Variants in EPB41L4A observed in about 807,000 individuals in gnomAD.
EPB41L4A encodes band 4.1-like protein 4A.
EPB41L4A carries 100 observed loss-of-function variants against 108.6 expected under a neutral mutation model. The ratio of observed to expected loss-of-function variants is 0.92; its 90% CI spans 0.78 to 1.09. The LOEUF is 1.09. EPB41L4A is among the 50% of genes least tolerant of loss of function. The pLI is 0.00. For synonymous variants in EPB41L4A, 319 were observed against 289.0 expected (o/e 1.10, Z -1.05); for missense variants, 1,030 against 842.7 (o/e 1.22, Z -2.75).
chr5:112,293,239 AG>A (rs1169714602), intron 2 of EPB41L4A, among the ~76,000 whole-genome samples: 1 of 151,776 alleles, frequency 6.6e-6, no homozygotes, highest in Non-Finnish European at 1.5e-5. Context: ...TTTTAAATTC[AG>A]GGATACAGGT....
chr5:112,171,042 C>A (rs1285348494), intron 18 of EPB41L4A, 50 bp from the exon 19 acceptor site: 4 of 1,487,722 alleles, frequency 2.7e-6, no homozygotes, highest in Non-Finnish European at 3.7e-6. Flanking sequence ...CTTCATCTCA[C>A]AACCTAATAA....
At chr5:112,403,592 C>A (rs1428918093) in intron 1 of EPB41L4A, among the ~76,000 whole-genome samples, 1 of 152,126 alleles carries the variant, frequency 6.6e-6, no homozygotes, top group South Asian at 2.1e-4. Context: ...CCTCAGCCTA[C>A]AGAGTAGCTA....
intron 20 of EPB41L4A, 63 bp from the exon 21 acceptor site, chr5:112,169,168 T>G: frequency 8.6e-7 from 1 of 1,166,942 alleles, no homozygotes; most frequent in Non-Finnish European, 1.3e-6. Flanking sequence ...AAAGTAGGAG[T>G]TCTTAATATT....
chr5:112,165,062 GT>G lies in EPB41L4A; in HGVS notation c.1988del (p.Asn663ThrfsTer12), dbSNP rs1760154925. 6.2e-7 allele frequency: 1 copy of G among 1,613,556 alleles called. No homozygotes were observed. The highest frequency in any genetic ancestry group is 1.7e-5 in the Admixed American group (1 of 59,976). On this transcript the variant is annotated frameshift_variant, in exon 23 of 23. Transcript: ENST00000261486. LOFTEE classifies it high-confidence loss of function. ...LMEEKPQTST[N>X]NLAGKHTAKT... ...TTGCTGTGTGTTTTCCAGCCAGGTTGTTTGTAGATGTCTGAGGTTTTTCTTC... is the reference window on the plus strand; with the variant it reads ...TTGCTGTGTGTTTTCCAGCCAGGTTGTTGTAGATGTCTGAGGTTTTTCTTC...
intron 15 of EPB41L4A, among the ~76,000 whole-genome samples, chr5:112,202,497 T>C (rs1762266695): frequency 6.6e-6 from 1 of 152,166 alleles, no homozygotes; most frequent in South Asian, 2.1e-4. Context: ...CAAATGCCAT[T>C]TCCCAAAGGG....
downstream of EPB41L4A, chr5:112,162,477 C>A (rs977924193): frequency 6.6e-6 from 1 of 152,174 alleles, no homozygotes; most frequent in African/African-American, 2.4e-5. Context: ...TCCAGTGACT[C>A]AAAAATCGTG....
chr5:112,325,744 C>T (rs1300479555), intron 1 of EPB41L4A, among the ~76,000 whole-genome samples: 1 of 152,162 alleles, frequency 6.6e-6, no homozygotes, highest in African/African-American at 2.4e-5. Flanking sequence ...CTACTTGCAA[C>T]CTCGGCAGGC....
At position 112,261,057 on chromosome 5, in the gene EPB41L4A, A is replaced by C. The variant is rs530871090; in HGVS notation, c.643-1078T>G. Among the ~76,000 whole-genome samples, 4 of 152,336 alleles carry C rather than the reference A, an allele frequency of 2.6e-5. No homozygotes were observed. In the East Asian group the frequency reaches 7.7e-4, roughly 29 times the overall value. On this transcript the variant is annotated intron_variant, in intron 7 of 22. Coordinates refer to ENST00000261486, the MANE Select transcript of EPB41L4A (RefSeq NM_022140.5). ...TTTCCTATGGAAAGTTTTCTTTTAAAAACTGAAAACCTAACAAGATTAATG... is the reference window on the plus strand; with the variant it reads ...TTTCCTATGGAAAGTTTTCTTTTAACAACTGAAAACCTAACAAGATTAATG...
intron 12 of EPB41L4A, among the ~76,000 whole-genome samples, chr5:112,150,815 A>C (rs1759435631): frequency 6.6e-6 from 1 of 152,222 alleles, no homozygotes; most frequent in African/African-American, 2.4e-5. Flanking sequence ...GAGAGAATAC[A>C]ACCATTAATT....
At chr5:112,211,114 A>C (rs1461467778) in intron 12 of EPB41L4A, among the ~76,000 whole-genome samples, 1 of 152,196 alleles carries the variant, frequency 6.6e-6, no homozygotes, top group African/African-American at 2.4e-5. Flanking sequence ...AAAGATTTAA[A>C]AAAAATGGGC....
chr5:112,168,016 C>T (rs970499615), intron 22 of EPB41L4A, among the ~76,000 whole-genome samples: 3 of 152,194 alleles, frequency 2.0e-5, no homozygotes, highest in Non-Finnish European at 2.9e-5. Context: ...CGACGAACAA[C>T]GGGCTGACCC....
chr5:112,222,808 A>G (rs1748159728), intron 12 of EPB41L4A, among the ~76,000 whole-genome samples: 1 of 152,274 alleles, frequency 6.6e-6, no homozygotes, highest in South Asian at 2.1e-4. Flanking sequence ...TTCTTACCCC[A>G]GGAGAGAAGA....
chr5:112,343,942 T>C (rs1757478033), intron 1 of EPB41L4A, among the ~76,000 whole-genome samples: 1 of 152,204 alleles, frequency 6.6e-6, no homozygotes, highest in Non-Finnish European at 1.5e-5. Flanking sequence ...TGAAGTCTCA[T>C]ATACTTGGGA....
In EPB41L4A at chr5:112,209,980, A is replaced by C. The variant is rs545171180; in HGVS notation, c.1090T>G (p.Ser364Ala). 6.4e-7 allele frequency: 1 copy of C among 1,551,500 alleles called. No homozygotes were observed. The highest frequency in any genetic ancestry group is 2.3e-5 in the East Asian group (1 of 43,980). ...KRIAQTQPAESNSISRITANM... is the reference protein window; with the variant it reads ...KRIAQTQPAEANSISRITANM... ...GCAGTTATCCTACTGATGCTGTTTG[A>C]TTCTAGCAGAGGAGGAGAAGGAAAG... Residue 364 changes from serine (S) to alanine (A), a missense_variant and splice_region_variant, in exon 13 of 23, where the codon TCA (serine) becomes GCA (alanine). By Grantham distance (99) the Ser-to-Ala change is moderately conservative. Transcript: ENST00000261486.
intron 1 of EPB41L4A, among the ~76,000 whole-genome samples, chr5:112,403,125 T>C (rs776501648): frequency 6.6e-6 from 1 of 152,076 alleles, no homozygotes; most frequent in Non-Finnish European, 1.5e-5. Flanking sequence ...AGAAAATCTG[T>C]GCCATAAGGG....
intron 15 of EPB41L4A, among the ~76,000 whole-genome samples, chr5:112,195,914 T>C (rs1340301527): frequency 6.6e-6 from 1 of 152,222 alleles, no homozygotes; most frequent in Non-Finnish European, 1.5e-5. Context: ...GGCCTCACTC[T>C]AGTGGAACCT....
At position 112,150,757 on chromosome 5, in the gene EPB41L4A, A is replaced by G. The variant is rs545401718; in HGVS notation, n.995-4759T>C. Among the ~76,000 whole-genome samples the G allele has an allele frequency of 9.2e-5, 14 of 152,366 alleles. No homozygotes were observed. In the South Asian group the frequency reaches 2.7e-3, roughly 29 times the overall value. ...TTTCCATAAAATGTAAGGCATATTC[A>G]TTTTATATATTCACTCTTATTATAG... On this transcript the variant is annotated intron_variant and non_coding_transcript_variant, in intron 12 of 13. Transcript: ENST00000507810.
At chr5:112,327,155 T>C (rs1756222190) in intron 1 of EPB41L4A, among the ~76,000 whole-genome samples, 1 of 152,180 alleles carries the variant, frequency 6.6e-6, no homozygotes, top group Non-Finnish European at 1.5e-5. Context: ...AGCCCTGGCC[T>C]TCTAAGTGCA....
At chr5:112,395,864 G>A (rs1407328049) in intron 1 of EPB41L4A, among the ~76,000 whole-genome samples, 1 of 152,180 alleles carries the variant, frequency 6.6e-6, no homozygotes, top group Non-Finnish European at 1.5e-5. Flanking sequence ...ATCAATGATA[G>A]ACTGGATTAA....
Sources: gnomAD v4.1 joint callset for allele counts (sites outside exome capture counted in the v4.1 genomes callset) on GRCh38, gnomAD v4.1.1 for gene constraint, MANE v1.5 for transcripts, NCBI Gene and HGNC (gene_info 2026-07-23, HGNC 2026-07-21) for gene names.